Variants in RABEP1 observed in about 807,000 individuals in gnomAD.
RABEP1 encodes rabaptin, RAB GTPase binding effector protein 1, also known as rab GTPase-binding effector protein 1.
Under a neutral mutation model 123.4 loss-of-function variants are expected in RABEP1, and 51 were observed. That is an observed-to-expected ratio of 0.41 (90% CI 0.33 to 0.52). The LOEUF is 0.52. Among genes scored for constraint, RABEP1 ranks in the 20% least tolerant of loss-of-function variants. The probability of loss-of-function intolerance (pLI) is 0.16; values close to 1 mark genes in which losing one functional copy is unlikely to be tolerated. For missense variants in RABEP1, 888 were observed against 996.3 expected (o/e 0.89, Z 1.46); for synonymous variants, 347 against 355.2 (o/e 0.98, Z 0.26).
At chr17:5,356,353 C>G (rs1909017273) in intron 8 of RABEP1, among the ~76,000 whole-genome samples, 1 of 152,204 alleles carries the variant, frequency 6.6e-6, no homozygotes, top group South Asian at 2.1e-4. Flanking sequence ...GATCCTGTCT[C>G]ACACACACAA....
chr17:5,316,570 T>C (rs567730923), intron 2 of RABEP1, among the ~76,000 whole-genome samples: 1 of 151,158 alleles, frequency 6.6e-6, no homozygotes, highest in African/African-American at 2.4e-5. Flanking sequence ...CGGTGACTCA[T>C]GCCTATAATC....
At chr17:5,339,480 G>A (rs906794135) in intron 5 of RABEP1, among the ~76,000 whole-genome samples, 1 of 152,142 alleles carries the variant, frequency 6.6e-6, no homozygotes, top group Non-Finnish European at 1.5e-5. Context: ...CTGCACTCCA[G>A]TCTACGTGAT....
chr17:5,345,571 C>A (rs977994599), intron 5 of RABEP1, among the ~76,000 whole-genome samples: 1 of 152,104 alleles, frequency 6.6e-6, no homozygotes, highest in African/African-American at 2.4e-5. Flanking sequence ...TTAAATCTGC[C>A]ATACGGACTC....
intron 11 of RABEP1, among the ~76,000 whole-genome samples, chr17:5,368,142 T>C (rs1456028647): frequency 2.0e-5 from 3 of 152,196 alleles, no homozygotes; most frequent in Non-Finnish European, 4.4e-5. Context: ...GAATGCTCTT[T>C]GTTAATGTAT....
chr17:5,358,786 C>T (rs928567261), intron 8 of RABEP1, among the ~76,000 whole-genome samples: 1 of 152,088 alleles, frequency 6.6e-6, no homozygotes, highest in African/African-American at 2.4e-5. Flanking sequence ...GACAGGGTCT[C>T]GTTCTTGCCA....
intron 12 of RABEP1, chr17:5,371,452 TTC>T (rs1452303054): frequency 1.3e-5 from 2 of 152,246 alleles, no homozygotes; most frequent in African/African-American, 4.8e-5. Flanking sequence ...TGGCTTATCC[TTC>T]TGTTTTTCTC....
intron 3 of RABEP1, among the ~76,000 whole-genome samples, chr17:5,333,550 T>C (rs1425237971): frequency 6.6e-6 from 1 of 152,170 alleles, no homozygotes; most frequent in East Asian, 1.9e-4. Context: ...TAGTGCTCTT[T>C]ATAAAAAGGC....
chr17:5,309,687 A>G (rs552776745), intron 2 of RABEP1, among the ~76,000 whole-genome samples: 3 of 152,082 alleles, frequency 2.0e-5, no homozygotes, highest in African/African-American at 7.2e-5. Flanking sequence ...GAAACTGTAT[A>G]AGGAAAATAC....
chr17:5,370,139 G>A (rs2078352077), intron 12 of RABEP1, among the ~76,000 whole-genome samples: 1 of 152,204 alleles, frequency 6.6e-6, no homozygotes, highest in African/African-American at 2.4e-5. Flanking sequence ...TGACCATTTT[G>A]TTGAAATTAC....
At chr17:5,382,639 C>T (rs1911574133) in intron 17 of RABEP1, among the ~76,000 whole-genome samples, 1 of 151,746 alleles carries the variant, frequency 6.6e-6, no homozygotes, top group Non-Finnish European at 1.5e-5. Flanking sequence ...ATAATCCCAG[C>T]TACTTGGGAG....
chr17:5,375,012 G>A (rs8067917), intron 13 of RABEP1, among the ~76,000 whole-genome samples: 66,983 of 151,666 alleles, frequency 0.44, 15,490 homozygotes, highest in East Asian at 0.84. Context: ...CCTGATCTCA[G>A]GTGATTAGCC....
intron 1 of RABEP1, among the ~76,000 whole-genome samples, chr17:5,282,801 AGGGAGCGGTTCTG>A (rs1036066694): frequency 2.0e-5 from 3 of 148,786 alleles, no homozygotes; most frequent in African/African-American, 7.5e-5. Flanking sequence ...TAGTGTGGGG[AGGGAGCGGTTCTG>A]GGTAGCGGGG....
intron 15 of RABEP1, among the ~76,000 whole-genome samples, chr17:5,379,741 T>C (rs912923866): frequency 2.0e-5 from 3 of 152,170 alleles, no homozygotes; most frequent in Admixed American, 1.3e-4. Flanking sequence ...CATCTCCATA[T>C]TGAAATCAAG....
At chr17:5,313,780 A>T (rs2075268088) in intron 2 of RABEP1, among the ~76,000 whole-genome samples, 1 of 152,248 alleles carries the variant, frequency 6.6e-6, no homozygotes, top group South Asian at 2.1e-4. Context: ...AAAATTTCAA[A>T]AAAAATACTG....
intron 2 of RABEP1, among the ~76,000 whole-genome samples, chr17:5,326,461 G>C (rs1441076280): frequency 1.3e-5 from 2 of 152,164 alleles, no homozygotes; most frequent in East Asian, 3.8e-4. Flanking sequence ...ACAAAAAAAA[G>C]ATCAGTGGTT....
intron 1 of RABEP1, among the ~76,000 whole-genome samples, chr17:5,306,520 C>G (rs910882747): frequency 6.6e-6 from 1 of 151,632 alleles, no homozygotes; most frequent in Non-Finnish European, 1.5e-5. Context: ...CCCAGCTACT[C>G]GGGAGGCTGA....
chr17:5,319,342 C>CA (rs1350083725), intron 2 of RABEP1, among the ~76,000 whole-genome samples: 2 of 89,026 alleles, frequency 2.2e-5, no homozygotes, highest in Non-Finnish European at 4.6e-5. Flanking sequence ...AAAAAAAAAA[C>CA]AAAAAAACAA....
intron 1 of RABEP1, among the ~76,000 whole-genome samples, chr17:5,293,554 A>G (rs1165027520): frequency 6.6e-6 from 1 of 152,044 alleles, no homozygotes. Context: ...CTATAGGCAC[A>G]TGCCACCATG....
intron 1 of RABEP1, among the ~76,000 whole-genome samples, chr17:5,303,490 C>T (rs1567870051): frequency 6.6e-6 from 1 of 152,138 alleles, no homozygotes; most frequent in Admixed American, 6.6e-5. Context: ...GATCCACTTG[C>T]CTTGGCCACT....
Sources: gnomAD v4.1 joint callset for allele counts (sites outside exome capture counted in the v4.1 genomes callset) on GRCh38, gnomAD v4.1.1 for gene constraint, MANE v1.5 for transcripts, NCBI Gene and HGNC (gene_info 2026-07-23, HGNC 2026-07-21) for gene names.